SNX31: variants seen among roughly 807,000 people sequenced by gnomAD.
SNX31 encodes the protein sorting nexin-31.
SNX31 carries 58 observed loss-of-function variants against 65.4 expected under a neutral mutation model. The ratio of observed to expected loss-of-function variants is 0.89; its 90% confidence interval spans 0.72 to 1.10. The LOEUF is 1.10. Among genes scored for constraint, SNX31 ranks in the 50% least tolerant of loss-of-function variants. The pLI, the probability that SNX31 is intolerant of heterozygous loss-of-function variation, is 0.00. For missense variants in SNX31, 523 were observed against 529.7 expected (o/e 0.99, Z 0.12); for synonymous variants, 181 against 190.1 (o/e 0.95, Z 0.39).
intron 4 of SNX31, chr8:100,618,262 G>A (rs1817406161): frequency 8.9e-6 from 13 of 1,462,666 alleles, no homozygotes; most frequent in Non-Finnish European, 1.2e-5. Flanking sequence ...GTAAACAACT[G>A]AGTATCTATA....
chr8:100,611,545 C>A (rs1419435205), intron 7 of SNX31, among the ~76,000 whole-genome samples: 1 of 152,134 alleles, frequency 6.6e-6, no homozygotes, highest in Admixed American at 6.5e-5. Flanking sequence ...TTCACCCTCT[C>A]TCATTTTCAT....
chr8:100,658,638 C>T (rs1693590), intron 1 of SNX31, among the ~76,000 whole-genome samples: 83,985 of 152,002 alleles, frequency 0.55, 24,869 homozygotes, highest in African/African-American at 0.77. Context: ...AGAGGTTAAG[C>T]ATCTTGCCCA....
Position 100,572,911 on chromosome 8 carries a change from T to A in SNX31, c.*954A>T, listed in dbSNP as rs2507776. 0.34 allele frequency: 52,298 copies of A among 152,078 alleles called. 9,292 individuals carry two copies. The highest frequency in any genetic ancestry group is 0.39 in the Non-Finnish European group (26,563 of 67,964). The allele number at this position is 152,078 out of a possible 1,614,324, so 9.4% of individuals were successfully genotyped here. A position where few individuals can be genotyped will look rare whatever the true frequency, so the allele number is the denominator to read the frequency against. On this transcript the variant is annotated 3_prime_UTR_variant, in exon 14 of 14. Coordinates refer to ENST00000311812, the MANE Select transcript of SNX31 (RefSeq NM_152628.4). ...ATATTCACTGGAATTATTTTGTATT[T>A]ATTATATAATTAGGTATACAACCCA...
At position 100,613,908 on chromosome 8, in the gene SNX31, A is replaced by G. The variant is rs947879274; in HGVS notation, c.433-823T>C. On this transcript the variant is annotated intron_variant, in intron 5 of 13. Coordinates refer to ENST00000311812, the MANE Select transcript of SNX31 (RefSeq NM_152628.4). This position sits in a 1 kb window ranked among gnomAD's most constrained non-coding sequence, Gnocchi z 5.2. The stretch of plus-strand genomic sequence containing the variant: ...TTTATACTCCTGGTCTTAACTCACT[A>G]AATCACCTCTGTACCACGCAAGGAG... 1.3e-5 allele frequency among the ~76,000 whole-genome samples: 2 copies of G among 152,000 alleles called. No homozygotes were observed. Among genetic ancestry groups the G allele is most frequent in the African/African-American group, 4.8e-5 (2 of 41,354 alleles).
rs779140449 is a variant in SNX31, at chr8:100,635,881, C to T, written c.256+16G>A. ...TGCAATAAATCTGTTTTTTAAAAAA[C>T]CCTGCAAATACATACCATTTTGCAA... On this transcript the variant is annotated intron_variant, in intron 3 of 13. Transcript: ENST00000311812. 2.8e-5 allele frequency: 44 copies of T among 1,570,378 alleles called. No homozygotes were observed. The highest frequency in any genetic ancestry group is 2.4e-4 in the South Asian group (21 of 89,284).
chr8:100,609,182 A>G lies in SNX31; in HGVS notation c.612-619T>C, dbSNP rs2131006899. ...TCCATCTCTCACCAACCCCACCACC[A>G]ACGCTACATTCCAACCATGTTTTCT... On this transcript the variant is annotated intron_variant, in intron 7 of 13. Transcript: ENST00000311812. The surrounding 1 kb of genome is among the most constrained non-coding windows in gnomAD (Gnocchi z 4.9). Among the ~76,000 whole-genome samples the G allele has an allele frequency of 6.6e-6, 1 of 152,124 alleles. No individual in the cohort carries two copies. Among genetic ancestry groups the G allele is most frequent in the East Asian group, 1.9e-4 (1 of 5,174 alleles).
intron 2 of SNX31, among the ~76,000 whole-genome samples, chr8:100,639,082 T>G (rs959005991): frequency 1.3e-5 from 2 of 151,686 alleles, no homozygotes; most frequent in African/African-American, 2.4e-5. Flanking sequence ...ACACATGGAG[T>G]TTTTTAGGGC....
At chr8:100,657,995 TAG>T in intron 1 of SNX31, 1 of 356,842 alleles carries the variant, frequency 2.8e-6, no homozygotes, top group Non-Finnish European at 5.5e-6. Flanking sequence ...GCATTTTGTT[TAG>T]ACCTCGGCAG....
chr8:100,618,325 A>T, intron 4 of SNX31: 1 of 1,534,416 alleles, frequency 6.5e-7, no homozygotes, highest in Non-Finnish European at 8.7e-7. Flanking sequence ...CTCATAATTA[A>T]CTTGCCCAGT....
rs777315024 is a variant in SNX31, at chr8:100,617,718, T to C, written c.334A>G (p.Ile112Val). The C allele has an allele frequency of 1.2e-6, 2 of 1,612,052 alleles. No individual in the cohort carries two copies. The highest frequency in any genetic ancestry group is 1.7e-6 in the Non-Finnish European group (2 of 1,179,268). The change falls in exon 5 of 14, where the codon ATC becomes GTC. Residue 112 changes from isoleucine to valine, a missense_variant. Transcript: ENST00000311812. Reference protein sequence around the residue: ...LKLAQLNTFDIATKKAYLDIF... With the variant: ...LKLAQLNTFDVATKKAYLDIF... ...TCCAGATAAGCTTTCTTGGTGGCGA[T>C]GTCAAATGTATTCTATAAGCAAAAG... is the stretch of plus-strand genomic sequence containing the variant.
At chr8:100,584,605 T>A (rs540022998) in intron 11 of SNX31, among the ~76,000 whole-genome samples, 1 of 152,198 alleles carries the variant, frequency 6.6e-6, no homozygotes, top group Admixed American at 6.5e-5. Flanking sequence ...ATTGTATACA[T>A]AATTATTGAG....
chr8:100,581,591 C>A (rs1813560950), intron 12 of SNX31, among the ~76,000 whole-genome samples: 2 of 152,036 alleles, frequency 1.3e-5, no homozygotes, highest in South Asian at 4.2e-4. Flanking sequence ...GGATGATCTG[C>A]CTTATTTATG....
At chr8:100,620,967 A>G (rs1187586759) in intron 4 of SNX31, among the ~76,000 whole-genome samples, 2 of 152,102 alleles carry the variant, frequency 1.3e-5, no homozygotes, top group Non-Finnish European at 2.9e-5. Flanking sequence ...AAAGAAAAAT[A>G]AAAAAGGAAA....
At position 100,630,176 on chromosome 8, in the gene SNX31, C is replaced by A; in HGVS notation, c.321+151G>T. On this transcript the variant is annotated intron_variant, in intron 4 of 13. Transcript: ENST00000311812. The surrounding 1 kb of genome is among the most constrained non-coding windows in gnomAD (Gnocchi z 5.3). ...TCCAAAAGAACAAAATAGGAACCAT[C>A]CCCCAATTGACTTGAAATGAATATA... The A allele has an allele frequency of 1.6e-6, 1 of 642,520 alleles. No individual in the cohort carries two copies. The highest frequency in any genetic ancestry group is 2.0e-5 in the South Asian group (1 of 48,872). 39.8% of individuals were successfully genotyped at this position (642,520 alleles called of 1,614,324 possible). A position where few individuals can be genotyped will look rare whatever the true frequency, so the allele number is the denominator to read the frequency against.
chr8:100,581,626 C>G (rs62513867), intron 12 of SNX31, among the ~76,000 whole-genome samples: 8,069 of 152,118 alleles, frequency 0.053, 300 homozygotes, highest in Non-Finnish European at 0.077. Flanking sequence ...ACAGTTCTCT[C>G]CCCTGCTTCA....
At chr8:100,615,869 A>AT (rs1817138514) in intron 5 of SNX31, among the ~76,000 whole-genome samples, 1 of 152,072 alleles carries the variant, frequency 6.6e-6, no homozygotes, top group Admixed American at 6.5e-5. Context: ...TCCCGGGTTC[A>AT]CGCCATTCTC....
At position 100,617,693 on chromosome 8, in the gene SNX31, T is replaced by C; in HGVS notation, c.359A>G (p.Asp120Gly). ...FDIATKKAYLDIFLPNEQSIR... is the reference protein window; with the variant it reads ...FDIATKKAYLGIFLPNEQSIR... ...ACTCTGTTCATTGGGCAGAAATATG[T>C]CCAGATAAGCTTTCTTGGTGGCGAT... Residue 120 changes from aspartate to glycine, a missense_variant, in exon 5 of 14, where the codon GAC becomes GGC. Coordinates refer to ENST00000311812, the MANE Select transcript of SNX31 (RefSeq NM_152628.4). 1 of 1,613,788 alleles carries C rather than the reference T, an allele frequency of 6.2e-7. No homozygotes were observed. The highest frequency in any genetic ancestry group is 8.5e-7 in the Non-Finnish European group (1 of 1,179,888).
intron 8 of SNX31, among the ~76,000 whole-genome samples, chr8:100,602,997 A>G (rs1475722504): frequency 6.6e-6 from 1 of 152,128 alleles, no homozygotes; most frequent in Non-Finnish European, 1.5e-5. Flanking sequence ...TGAGGTTCAG[A>G]GAGGTTATGA....
intron 2 of SNX31, among the ~76,000 whole-genome samples, chr8:100,641,469 T>C (rs1819171544): frequency 7.1e-6 from 1 of 141,274 alleles, no homozygotes; most frequent in South Asian, 2.3e-4. Context: ...AGCTGGAGAC[T>C]TCAAGGCTAA....
Sources: gnomAD v4.1 joint callset for allele counts (sites outside exome capture counted in the v4.1 genomes callset) on GRCh38, gnomAD v4.1.1 for gene constraint, Gnocchi (gnomAD v3.1) non-coding constraint, MANE v1.5 for transcripts, NCBI Gene and HGNC (gene_info 2026-07-23, HGNC 2026-07-21) for gene names.